SPAG16: variants seen among roughly 807,000 people sequenced by gnomAD.
SPAG16 encodes the protein sperm-associated antigen 16 protein.
Under a neutral mutation model 80.4 loss-of-function variants are expected in SPAG16, and 86 were observed. The ratio of observed to expected loss-of-function variants is 1.07; its 90% CI spans 0.90 to 1.28. The LOEUF (loss-of-function observed/expected upper bound fraction) is 1.28, where lower values mean the gene tolerates loss of function less well. Ranked by LOEUF, SPAG16 falls within the 50% of genes most tolerant of loss-of-function variation. The pLI is 0.00. For synonymous variants in SPAG16, 294 were observed against 265.9 expected (o/e 1.11, Z -1.03); for missense variants, 870 against 765.3 (o/e 1.14, Z -1.61).
At chr2:213,911,288 G>A (rs1338244371) in intron 11 of SPAG16, among the ~76,000 whole-genome samples, 1 of 152,062 alleles carries the variant, frequency 6.6e-6, no homozygotes, top group Non-Finnish European at 1.5e-5. Flanking sequence ...ATGACTACAG[G>A]CACACACCAC....
intron 1 of SPAG16, among the ~76,000 whole-genome samples, chr2:213,288,699 A>G (rs1408239048): frequency 6.6e-6 from 1 of 152,054 alleles, no homozygotes; most frequent in Non-Finnish European, 1.5e-5. Context: ...ACATTTAGAA[A>G]GGTGGATGCA....
At chr2:214,271,392 A>T (rs1163663328) in intron 15 of SPAG16, among the ~76,000 whole-genome samples, 1 of 152,198 alleles carries the variant, frequency 6.6e-6, no homozygotes, top group Non-Finnish European at 1.5e-5. Flanking sequence ...ATCCATTTTA[A>T]TAATTAGTTT....
chr2:213,483,206 A>G (rs1448871534), intron 9 of SPAG16, among the ~76,000 whole-genome samples: 2 of 152,150 alleles, frequency 1.3e-5, no homozygotes, highest in African/African-American at 4.8e-5. Flanking sequence ...CCTTTATTTG[A>G]AATTTAGGTG....
intron 10 of SPAG16, among the ~76,000 whole-genome samples, chr2:213,770,147 T>C (rs2069162544): frequency 1.3e-5 from 2 of 152,324 alleles, no homozygotes; most frequent in East Asian, 3.9e-4. Flanking sequence ...TATATATGTG[T>C]ATTAATAGGC....
At chr2:213,888,793 G>A (rs185776407) in intron 11 of SPAG16, among the ~76,000 whole-genome samples, 3 of 151,982 alleles carry the variant, frequency 2.0e-5, no homozygotes, top group East Asian at 1.9e-4. Context: ...TTATTCTAGT[G>A]AGATGCTCAT....
chr2:214,373,655 G>T (rs1372051043), intron 15 of SPAG16, among the ~76,000 whole-genome samples: 1 of 152,134 alleles, frequency 6.6e-6, no homozygotes, highest in Non-Finnish European at 1.5e-5. Context: ...TTTCAATGAG[G>T]GAGATGATTT....
At chr2:214,014,756 G>A (rs945065363) in intron 13 of SPAG16, among the ~76,000 whole-genome samples, 3 of 152,202 alleles carry the variant, frequency 2.0e-5, no homozygotes, top group Non-Finnish European at 4.4e-5. Flanking sequence ...TTTGATTAAA[G>A]TCTTAAACTA....
chr2:214,080,378 C>T (rs1454975602), intron 13 of SPAG16, among the ~76,000 whole-genome samples: 1 of 151,224 alleles, frequency 6.6e-6, no homozygotes, highest in Non-Finnish European at 1.5e-5. Flanking sequence ...GCAGGCGGAT[C>T]ACAAGGTCAG....
At chr2:213,982,003 G>A (rs1024347121) in intron 12 of SPAG16, among the ~76,000 whole-genome samples, 2 of 151,450 alleles carry the variant, frequency 1.3e-5, no homozygotes, top group Admixed American at 6.6e-5. Flanking sequence ...GCTTACAACA[G>A]AGACATAGAG....
At chr2:213,808,411 G>C (rs1377201443) in intron 10 of SPAG16, among the ~76,000 whole-genome samples, 3 of 152,126 alleles carry the variant, frequency 2.0e-5, no homozygotes, top group Non-Finnish European at 4.4e-5. Flanking sequence ...GAATGGTATA[G>C]CTATAGTTTA....
chr2:214,342,934 G>A (rs1399238543), intron 15 of SPAG16, among the ~76,000 whole-genome samples: 1 of 152,110 alleles, frequency 6.6e-6, no homozygotes, highest in African/African-American at 2.4e-5. Flanking sequence ...AGCATTGAAT[G>A]TAACTCTCCA....
At chr2:214,253,669 G>A (rs1690466327) in intron 15 of SPAG16, among the ~76,000 whole-genome samples, 1 of 152,126 alleles carries the variant, frequency 6.6e-6, no homozygotes, top group African/African-American at 2.4e-5. Context: ...CTATATATCT[G>A]TTTTGATACC....
chr2:213,974,836 C>G (rs1310879933), intron 12 of SPAG16, among the ~76,000 whole-genome samples: 2 of 151,236 alleles, frequency 1.3e-5, no homozygotes, highest in East Asian at 3.9e-4. Flanking sequence ...AATGGTAGAG[C>G]TGGGATTTGA....
chr2:214,195,704 A>G (rs2057816585), intron 15 of SPAG16, among the ~76,000 whole-genome samples: 2 of 152,022 alleles, frequency 1.3e-5, no homozygotes, highest in South Asian at 4.1e-4. Flanking sequence ...GCAAAAGTAG[A>G]AAACAGAATC....
intron 10 of SPAG16, among the ~76,000 whole-genome samples, chr2:213,592,852 T>A (rs1224773608): frequency 1.3e-5 from 2 of 152,196 alleles, no homozygotes; most frequent in East Asian, 3.8e-4. Context: ...AGGTGGCTAT[T>A]CTGCACTGGC....
At chr2:214,250,755 TATAG>T (rs1372336075) in intron 15 of SPAG16, among the ~76,000 whole-genome samples, 2,854 of 96,504 alleles carry the variant, frequency 0.03, 31 homozygotes, top group East Asian at 0.054. Flanking sequence ...TATATATATA[TATAG>T]AGAGAGAGAG....
intron 14 of SPAG16, among the ~76,000 whole-genome samples, chr2:214,115,619 C>G (rs1447427794): frequency 6.6e-6 from 1 of 152,146 alleles, no homozygotes; most frequent in African/African-American, 2.4e-5. Context: ...TGGCTCATGC[C>G]TGTAATCCCA....
intron 10 of SPAG16, among the ~76,000 whole-genome samples, chr2:213,602,733 G>A (rs2061114096): frequency 6.6e-6 from 1 of 152,156 alleles, no homozygotes; most frequent in East Asian, 1.9e-4. Flanking sequence ...TTATTTATCT[G>A]TTTTTTGTTT....
At chr2:213,917,592 T>C (rs184777285) in intron 11 of SPAG16, among the ~76,000 whole-genome samples, 182 of 152,312 alleles carry the variant, frequency 1.2e-3, no homozygotes, top group African/African-American at 4.2e-3. Context: ...TGTTGGTATA[T>C]AGAAATGCTA....
Sources: allele counts gnomAD v4.1 joint callset (sites outside exome capture counted in the v4.1 genomes callset), GRCh38; gene constraint gnomAD v4.1.1; transcripts MANE v1.5; gene names NCBI Gene and HGNC (gene_info 2026-07-23, HGNC 2026-07-21).